Variants in GFRA1 observed in about 807,000 individuals in gnomAD.
GFRA1 encodes GDNF family receptor alpha-1.
A neutral mutation model predicts 51.6 loss-of-function variants in GFRA1; 16 were observed. The observed-to-expected ratio is 0.31, with a 90% confidence interval of 0.21 to 0.47. The LOEUF (loss-of-function observed/expected upper bound fraction) is 0.47, where lower values mean the gene tolerates loss of function less well. Among genes scored for constraint, GFRA1 ranks in the 20% least tolerant of loss-of-function variants. GFRA1 has a pLI of 1.00. For synonymous variants in GFRA1, 270 were observed against 241.3 expected (o/e 1.12, Z -1.10); for missense variants, 530 against 594.3 (o/e 0.89, Z 1.13).
At chr10:116,209,082 CTG>C (rs1306852461) in intron 5 of GFRA1, among the ~76,000 whole-genome samples, 3 of 152,080 alleles carry the variant, frequency 2.0e-5, no homozygotes, top group Non-Finnish European at 2.9e-5. Context: ...TCCTCAGACT[CTG>C]TGGTCTAAGC....
At chr10:116,157,066 C>A (rs1260940055) in intron 5 of GFRA1, among the ~76,000 whole-genome samples, 1 of 152,126 alleles carries the variant, frequency 6.6e-6, no homozygotes, top group Admixed American at 6.5e-5. Flanking sequence ...CTCCCAGATA[C>A]AAGGAATAAG....
rs146720269 is a variant in GFRA1, at chr10:116,064,539, A to G, written c.1257T>C (p.Asn419=). Residue 419 remains asparagine (N), a synonymous_variant, in exon 11 of 11, where the codon AAT becomes AAC. Coordinates refer to ENST00000355422, the MANE Select transcript of GFRA1 (RefSeq NM_005264.8). The part of the protein sequence containing the change: ...GNTHLCISNG[N]YEKEGLGASS... ...AAGCACCGAGACCTTCTTTTTCATA[A>G]TTACCCTGTAAGGAAGAATGGTTTC... 1 of 1,611,686 alleles carries G rather than the reference A, an allele frequency of 6.2e-7. No individual in the cohort carries two copies. Among genetic ancestry groups the G allele is most frequent in the African/African-American group, 1.3e-5 (1 of 74,764 alleles).
At chr10:116,136,050 G>A (rs1287280834) in intron 5 of GFRA1, among the ~76,000 whole-genome samples, 1 of 152,026 alleles carries the variant, frequency 6.6e-6, no homozygotes, top group Non-Finnish European at 1.5e-5. Context: ...ATGCCTATTT[G>A]TTTAATTTTC....
chr10:116,064,171 T>A lies in GFRA1; in HGVS notation c.*227A>T. 1.9e-6 allele frequency: 1 copy of A among 531,142 alleles called. No homozygotes were observed. Among genetic ancestry groups the A allele is most frequent in the Non-Finnish European group, 3.4e-6 (1 of 296,734 alleles). 32.9% of individuals were successfully genotyped at this position (531,142 alleles called of 1,614,324 possible). A position where few individuals can be genotyped will look rare whatever the true frequency, so the allele number is the denominator to read the frequency against. The stretch of plus-strand genomic sequence containing the variant: ...AACTGTCCCTTTAAAATACAGCATA[T>A]CCCAAAGCCTTCTGAGTTTGGATGG... On this transcript the variant is annotated 3_prime_UTR_variant, in exon 11 of 11. Coordinates refer to ENST00000355422, the MANE Select transcript of GFRA1 (RefSeq NM_005264.8).
At chr10:116,195,178 C>T (rs1171166453) in intron 5 of GFRA1, among the ~76,000 whole-genome samples, 1 of 152,120 alleles carries the variant, frequency 6.6e-6, no homozygotes. Context: ...AAAACCTCCC[C>T]CATTGAGCTT....
chr10:116,128,826 T>A lies in GFRA1; in HGVS notation c.434-3269A>T, dbSNP rs1248763425. On this transcript the variant is annotated intron_variant, in intron 5 of 10. Coordinates refer to ENST00000355422, the MANE Select transcript of GFRA1 (RefSeq NM_005264.8). ...TTAAAACTACATATGCTGTTAAGGT[T>A]TTCCTCTTAATGTTATTAGAAAAGC... 2.0e-5 allele frequency among the ~76,000 whole-genome samples: 3 copies of A among 151,372 alleles called. No individual in the cohort carries two copies. In the East Asian group the frequency reaches 5.8e-4, roughly 29 times the overall value.
intron 3 of GFRA1, among the ~76,000 whole-genome samples, chr10:116,270,563 T>C (rs970739570): frequency 2.0e-5 from 3 of 152,240 alleles, no homozygotes; most frequent in African/African-American, 7.2e-5. Flanking sequence ...TCCGACCAGG[T>C]TTCAGAGAGG....
intron 4 of GFRA1, among the ~76,000 whole-genome samples, chr10:116,223,228 C>T (rs1407354762): frequency 6.6e-6 from 1 of 152,178 alleles, no homozygotes; most frequent in Non-Finnish European, 1.5e-5. Flanking sequence ...GAGAACATCT[C>T]TAGCAATAGA....
intron 6 of GFRA1, among the ~76,000 whole-genome samples, chr10:116,108,961 A>T (rs1313280192): frequency 6.6e-6 from 1 of 152,210 alleles, no homozygotes; most frequent in Admixed American, 6.5e-5. Context: ...CTCAACACTC[A>T]TCACGGACAC....
At chr10:116,255,522 T>A in intron 4 of GFRA1, 91 of 861,332 alleles carry the variant, frequency 1.1e-4, no homozygotes, top group Non-Finnish European at 1.3e-4. Context: ...AAAAAAACAC[T>A]AGGTTTCCAC....
At chr10:116,065,991 G>C (rs967586389) in intron 9 of GFRA1, among the ~76,000 whole-genome samples, 1 of 152,144 alleles carries the variant, frequency 6.6e-6, no homozygotes, top group African/African-American at 2.4e-5. Context: ...GAGCAGCCCA[G>C]GACTAGGTTA....
rs1565593404 is a variant in GFRA1, at chr10:116,125,274, CT to C, written c.716del (p.Glu239GlyfsTer6). On this transcript the variant is annotated frameshift_variant, in exon 6 of 11. Coordinates refer to ENST00000355422, the MANE Select transcript of GFRA1 (RefSeq NM_005264.8). LOFTEE classifies it high-confidence loss of function. ...IVPVCSYEER[E>X]KPNCLNLQDS... The stretch of plus-strand genomic sequence containing the variant: ...CCTGCAAATTCAAACAGTTGGGCTT[CT>C]CCCTCTCTTCATAGGAGCACACAGG... 1 of 1,614,242 alleles carries C rather than the reference CT, an allele frequency of 6.2e-7. No individual in the cohort carries two copies. Among genetic ancestry groups the C allele is most frequent in the South Asian group, 1.1e-5 (1 of 91,090 alleles).
Position 116,135,273 on chromosome 10 carries a change from A to G in GFRA1, c.434-9716T>C, listed in dbSNP as rs556921497. Among the ~76,000 whole-genome samples, 4 of 152,314 alleles carry G rather than the reference A, an allele frequency of 2.6e-5. No homozygotes were observed. The South Asian group carries it at 8.3e-4, about 32-fold the overall frequency. On this transcript the variant is annotated intron_variant, in intron 5 of 10. Coordinates refer to ENST00000355422, the MANE Select transcript of GFRA1 (RefSeq NM_005264.8). The stretch of plus-strand genomic sequence containing the variant: ...AAACTGGCTTTTTAAAATCTCTTTC[A>G]ACCTAATTATAATTACGGTGTATAA...
At chr10:116,197,210 A>T (rs1280248532) in intron 5 of GFRA1, among the ~76,000 whole-genome samples, 1 of 152,088 alleles carries the variant, frequency 6.6e-6, no homozygotes, top group African/African-American at 2.4e-5. Flanking sequence ...TGATTAATTC[A>T]TGGAAGCAGA....
intron 6 of GFRA1, among the ~76,000 whole-genome samples, chr10:116,110,349 A>C (rs184163835): frequency 1.3e-5 from 2 of 152,094 alleles, no homozygotes; most frequent in East Asian, 2.0e-4. Context: ...TGTGTTTTAC[A>C]TGCAGGGAGA....
intron 4 of GFRA1, among the ~76,000 whole-genome samples, chr10:116,259,250 A>C (rs1255113089): frequency 6.6e-6 from 1 of 152,098 alleles, no homozygotes; most frequent in Non-Finnish European, 1.5e-5. Flanking sequence ...CCTAGAGGAA[A>C]GTGGCACCAG....
At chr10:116,085,520 C>T (rs1208325272) in intron 9 of GFRA1, among the ~76,000 whole-genome samples, 1 of 151,680 alleles carries the variant, frequency 6.6e-6, no homozygotes, top group South Asian at 2.1e-4. Context: ...CTAGGACCCC[C>T]ATCCTCCTCC....
In GFRA1 at chr10:116,064,642, C is replaced by T. The variant is rs1333398068; in HGVS notation, c.1252-98G>A. ...CTCCCCCCGACTCCCCACTGGCTGA[C>T]CCACTCACCAAAGCTGACCAAGATT... On this transcript the variant is annotated intron_variant, in intron 10 of 10. Transcript: ENST00000355422. The T allele has an allele frequency of 5.7e-5, 64 of 1,124,832 alleles. No individual in the cohort carries two copies. The East Asian group carries it at 1.4e-3, about 25-fold the overall frequency. 69.7% of individuals were successfully genotyped at this position (1,124,832 alleles called of 1,614,324 possible).
intron 6 of GFRA1, among the ~76,000 whole-genome samples, chr10:116,106,243 G>C (rs915788397): frequency 6.6e-6 from 1 of 152,208 alleles, no homozygotes; most frequent in African/African-American, 2.4e-5. Flanking sequence ...AGATCAGTAA[G>C]AGAATAAATG....
Sources: allele counts gnomAD v4.1 joint callset (sites outside exome capture counted in the v4.1 genomes callset), GRCh38; gene constraint gnomAD v4.1.1; transcripts MANE v1.5; gene names NCBI Gene and HGNC (gene_info 2026-07-23, HGNC 2026-07-21).